CSMD1: variants seen among roughly 807,000 people sequenced by gnomAD.
CSMD1 encodes CUB and sushi domain-containing protein 1.
CSMD1 carries 213 observed loss-of-function variants against 417.5 expected under a neutral mutation model. The observed-to-expected ratio is 0.51, with a 90% CI of 0.46 to 0.57. The LOEUF is 0.57. Among genes scored for constraint, CSMD1 ranks in the 20% least tolerant of loss-of-function variants. The pLI, the probability that CSMD1 is intolerant of heterozygous loss-of-function variation, is 0.00. For synonymous variants in CSMD1, 2,862 were observed against 1,736.8 expected, an observed-to-expected ratio of 1.65 and a Z score of -16.11; for missense variants, 6,923 against 4,529.7, an observed-to-expected ratio of 1.53 and a Z score of -15.17.
chr8:4,473,005 A>G (rs1325418489), intron 2 of CSMD1, among the ~76,000 whole-genome samples: 2 of 152,002 alleles, frequency 1.3e-5, no homozygotes, highest in Admixed American at 1.3e-4. Flanking sequence ...CACATAAATT[A>G]TATTGTTTAA....
intron 3 of CSMD1, among the ~76,000 whole-genome samples, chr8:4,154,559 G>A (rs115060477): frequency 3.3e-5 from 5 of 152,176 alleles, no homozygotes; most frequent in South Asian, 4.1e-4. Context: ...TGCTTCTAAC[G>A]CCGTGAGCTG....
chr8:3,765,109 G>A (rs1798199815), intron 5 of CSMD1, among the ~76,000 whole-genome samples: 1 of 152,110 alleles, frequency 6.6e-6, no homozygotes, highest in South Asian at 2.1e-4. Context: ...GAGGTCAACT[G>A]TCTTAGTACT....
intron 3 of CSMD1, among the ~76,000 whole-genome samples, chr8:4,371,460 C>G (rs868756167): frequency 3.3e-5 from 5 of 152,080 alleles, no homozygotes; most frequent in Non-Finnish European, 5.9e-5. Flanking sequence ...GAGGGCATGT[C>G]TGGGGATAGA....
At chr8:3,977,410 T>C (rs952130159) in intron 5 of CSMD1, among the ~76,000 whole-genome samples, 1 of 152,238 alleles carries the variant, frequency 6.6e-6, no homozygotes, top group South Asian at 2.1e-4. Context: ...GGTTTTGTTT[T>C]TGTTGTTGTT....
chr8:4,731,526 CTATT>C (rs1809865271), intron 1 of CSMD1, among the ~76,000 whole-genome samples: 1 of 152,124 alleles, frequency 6.6e-6, no homozygotes. Flanking sequence ...TTCCATTTAT[CTATT>C]TGTTCTTTTG....
chr8:4,384,706 C>G (rs1366953233), intron 3 of CSMD1, among the ~76,000 whole-genome samples: 5 of 152,108 alleles, frequency 3.3e-5, no homozygotes, highest in African/African-American at 9.7e-5. Flanking sequence ...TTCCCAGGGC[C>G]AAGGCACGTG....
chr8:3,243,445 G>C (rs1278789920), intron 26 of CSMD1, among the ~76,000 whole-genome samples: 1 of 148,210 alleles, frequency 6.7e-6, no homozygotes, highest in Non-Finnish European at 1.5e-5. Flanking sequence ...CTTTGAGTAG[G>C]TAAAGGAAAA....
At chr8:3,981,447 A>T (rs1283710681) in intron 5 of CSMD1, among the ~76,000 whole-genome samples, 1 of 149,502 alleles carries the variant, frequency 6.7e-6, no homozygotes, top group Non-Finnish European at 1.5e-5. Context: ...CCGCTAAAGA[A>T]CTTACTCATG....
chr8:4,398,455 G>A (rs1005641711), intron 3 of CSMD1, among the ~76,000 whole-genome samples: 1 of 139,612 alleles, frequency 7.2e-6, no homozygotes, highest in Non-Finnish European at 1.5e-5. Context: ...GCGCAGTGGT[G>A]CGATCTCGGC....
chr8:4,531,225 C>A (rs909930529), intron 2 of CSMD1, among the ~76,000 whole-genome samples: 3 of 152,098 alleles, frequency 2.0e-5, no homozygotes, highest in Non-Finnish European at 4.4e-5. Flanking sequence ...CCATTTTTAG[C>A]CACACTGATA....
At chr8:3,331,816 A>C (rs1338690944) in intron 23 of CSMD1, among the ~76,000 whole-genome samples, 2 of 152,130 alleles carry the variant, frequency 1.3e-5, no homozygotes, top group Non-Finnish European at 2.9e-5. Context: ...AGTTACTCCT[A>C]TTTCTTTATG....
intron 2 of CSMD1, among the ~76,000 whole-genome samples, chr8:4,630,107 A>T (rs528889946): frequency 6.5e-4 from 99 of 152,214 alleles, no homozygotes; most frequent in Non-Finnish European, 1.1e-3. Flanking sequence ...CCACCACAGC[A>T]TGAGGAGGTA....
intron 1 of CSMD1, among the ~76,000 whole-genome samples, chr8:4,669,602 A>T (rs1377173157): frequency 1.3e-5 from 2 of 152,174 alleles, no homozygotes; most frequent in Non-Finnish European, 2.9e-5. Context: ...TAGGGTAGCT[A>T]CTAAGTATTT....
intron 3 of CSMD1, among the ~76,000 whole-genome samples, chr8:4,404,817 G>A (rs778689802): frequency 1.3e-5 from 2 of 152,134 alleles, no homozygotes; most frequent in Non-Finnish European, 2.9e-5. Context: ...TGGGTACACA[G>A]TAAGTGAGGC....
At chr8:3,961,852 G>C (rs547624033) in intron 5 of CSMD1, among the ~76,000 whole-genome samples, 3 of 152,182 alleles carry the variant, frequency 2.0e-5, no homozygotes, top group Non-Finnish European at 2.9e-5. Flanking sequence ...ATGAGGAAGA[G>C]ATGTCCCTTT....
intron 3 of CSMD1, among the ~76,000 whole-genome samples, chr8:4,226,868 G>T (rs1801391915): frequency 6.6e-6 from 1 of 152,172 alleles, no homozygotes; most frequent in South Asian, 2.1e-4. Context: ...TCTTTAGTTT[G>T]GGAATAAGAA....
intron 4 of CSMD1, among the ~76,000 whole-genome samples, chr8:4,030,427 G>C (rs34941583): frequency 6.6e-6 from 1 of 152,144 alleles, no homozygotes; most frequent in Non-Finnish European, 1.5e-5. Flanking sequence ...AGCTGCCAAG[G>C]CTTGAGGCTT....
At chr8:4,954,360 A>C (rs1473553281) in intron 1 of CSMD1, among the ~76,000 whole-genome samples, 1 of 152,182 alleles carries the variant, frequency 6.6e-6, no homozygotes, top group East Asian at 1.9e-4. Context: ...TGTAACTCTA[A>C]AGACACATTT....
At chr8:3,211,293 C>T (rs12544588) in intron 30 of CSMD1, among the ~76,000 whole-genome samples, 17,666 of 152,088 alleles carry the variant, frequency 0.12, 1,309 homozygotes, top group Admixed American at 0.19. Flanking sequence ...GATCCTCCTG[C>T]CTTAGTCTCT....
Sources: allele counts gnomAD v4.1 joint callset (sites outside exome capture counted in the v4.1 genomes callset), GRCh38; gene constraint gnomAD v4.1.1; transcripts MANE v1.5; gene names NCBI Gene and HGNC (gene_info 2026-07-23, HGNC 2026-07-21).